The following FSTL4 variants were observed in gnomAD, a reference collection of about 807,000 sequenced individuals.
FSTL4 encodes the protein follistatin like 4.
FSTL4 carries 28 observed loss-of-function variants against 78.2 expected under a neutral mutation model. The ratio of observed to expected loss-of-function variants is 0.36; its 90% CI spans 0.27 to 0.49. FSTL4 has a LOEUF of 0.49. Ranked by LOEUF, FSTL4 falls within the 20% of genes least tolerant of loss-of-function variation. The pLI, the probability that FSTL4 is intolerant of heterozygous loss-of-function variation, is 0.98. For missense variants in FSTL4, 922 were observed against 1,084.9 expected (o/e 0.85, Z 2.11); for synonymous variants, 422 against 440.5 (o/e 0.96, Z 0.53).
chr5:133,657,651 T>C, the FSTL4 span, among the ~76,000 whole-genome samples: 4 of 152,228 alleles, frequency 2.6e-5, no homozygotes, highest in Non-Finnish European at 5.9e-5. Flanking sequence ...ATATGTAGTG[T>C]TGTTTTACAT....
At chr5:133,655,640 G>A in the FSTL4 span, among the ~76,000 whole-genome samples, 1 of 152,042 alleles carries the variant, frequency 6.6e-6, no homozygotes. Flanking sequence ...GGCCCATGAA[G>A]GGAAACGGAA....
intron 4 of FSTL4, among the ~76,000 whole-genome samples, chr5:133,393,949 A>G (rs2126964091): frequency 6.6e-6 from 1 of 152,328 alleles, no homozygotes; most frequent in South Asian, 2.1e-4. Context: ...CTGCACCAGG[A>G]GGTCTCCTGG....
At chr5:133,432,899 C>T (rs1756968213) in intron 3 of FSTL4, among the ~76,000 whole-genome samples, 1 of 152,202 alleles carries the variant, frequency 6.6e-6, no homozygotes, top group Admixed American at 6.5e-5. Flanking sequence ...AGCACTAAAT[C>T]TGGCAATTTT....
intron 6 of FSTL4, among the ~76,000 whole-genome samples, chr5:133,259,522 T>TC (rs1406462075): frequency 4.1e-5 from 6 of 147,528 alleles, no homozygotes; most frequent in African/African-American, 1.2e-4. Flanking sequence ...TTTTTTCTTT[T>TC]TTTTTTTTTT....
intron 6 of FSTL4, chr5:133,266,724 G>A (rs1178721555): frequency 2.0e-5 from 3 of 152,334 alleles, no homozygotes; most frequent in Admixed American, 1.3e-4. Flanking sequence ...CTGCTTGCCT[G>A]GTGTCCTGGG....
chr5:133,803,500 T>C, the FSTL4 span, among the ~76,000 whole-genome samples: 4 of 152,164 alleles, frequency 2.6e-5, no homozygotes, highest in Admixed American at 2.0e-4. Context: ...GAGGCACAAC[T>C]GTCATCTCCC....
In FSTL4 at chr5:133,252,815, A is replaced by C. The variant is rs1752292790; in HGVS notation, c.728-3239T>G. On this transcript the variant is annotated intron_variant, in intron 6 of 15. Transcript: ENST00000265342. ...TCAAACATGGGGCTAATAGGAAACA[A>C]AAATCCAAGTGGGAGACGGAAGTCT... Among the ~76,000 whole-genome samples, 3 of 152,202 alleles carry C rather than the reference A, an allele frequency of 2.0e-5. No homozygotes were observed. In the South Asian group the frequency reaches 6.2e-4, roughly 32 times the overall value.
chr5:133,382,039 T>C (rs978680482), intron 4 of FSTL4, among the ~76,000 whole-genome samples: 1 of 152,222 alleles, frequency 6.6e-6, no homozygotes, highest in African/African-American at 2.4e-5. Flanking sequence ...TCACATCCCC[T>C]TCCCCATCCT....
the FSTL4 span, among the ~76,000 whole-genome samples, chr5:133,822,946 A>T: frequency 1.3e-5 from 2 of 152,190 alleles, no homozygotes; most frequent in East Asian, 3.8e-4. Flanking sequence ...AGCAGTGAAC[A>T]AATCAGACAG....
intron 3 of FSTL4, among the ~76,000 whole-genome samples, chr5:133,514,792 C>A (rs1758820807): frequency 6.6e-6 from 1 of 152,146 alleles, no homozygotes. Context: ...GGAAACAAAC[C>A]AGGCCTCCCT....
At chr5:133,620,782 A>G in the FSTL4 span, among the ~76,000 whole-genome samples, 1 of 152,172 alleles carries the variant, frequency 6.6e-6, no homozygotes, top group South Asian at 2.1e-4. Flanking sequence ...GTCTTTTATT[A>G]TAAATGGAAA....
rs551026824 is a variant in FSTL4, at chr5:133,401,096, G to T, written c.161-110C>A. ...AGACTCCATTTGCCTGTGCAGCCAA[G>T]CTACTCAAGGTGGGGCCTGGGGGCT... On this transcript the variant is annotated intron_variant, in intron 3 of 15. Transcript: ENST00000265342. 28 of 1,312,152 alleles carry T rather than the reference G, an allele frequency of 2.1e-5. No homozygotes were observed. The African/African-American group carries it at 2.9e-4, about 14-fold the overall frequency. 81.3% of individuals were successfully genotyped at this position (1,312,152 alleles called of 1,614,324 possible).
chr5:133,352,893 C>G (rs370050490), intron 4 of FSTL4, among the ~76,000 whole-genome samples: 1 of 151,996 alleles, frequency 6.6e-6, no homozygotes, highest in Non-Finnish European at 1.5e-5. Flanking sequence ...TTTGCTATTG[C>G]GAATAGCTTA....
chr5:133,676,143 G>A, the FSTL4 span, among the ~76,000 whole-genome samples: 1 of 152,124 alleles, frequency 6.6e-6, no homozygotes. Context: ...CACAATATGG[G>A]GTGGGAGGAT....
At chr5:133,569,298 T>C (rs539425267) in intron 2 of FSTL4, among the ~76,000 whole-genome samples, 1 of 152,386 alleles carries the variant, frequency 6.6e-6, no homozygotes, top group South Asian at 2.1e-4. Flanking sequence ...CAACCCATGT[T>C]AGGCGTTGTG....
chr5:133,227,573 T>C (rs74599178), intron 8 of FSTL4, among the ~76,000 whole-genome samples: 2,340 of 152,196 alleles, frequency 0.015, 77 homozygotes, highest in African/African-American at 0.054. Context: ...GGTGGTAGCA[T>C]AGAGCCACCA....
At chr5:133,790,509 T>C in the FSTL4 span, among the ~76,000 whole-genome samples, 1 of 152,166 alleles carries the variant, frequency 6.6e-6, no homozygotes, top group Non-Finnish European at 1.5e-5. Flanking sequence ...ACAGCCCCTC[T>C]TACGGTTTTA....
the FSTL4 span, among the ~76,000 whole-genome samples, chr5:133,787,962 G>A: frequency 3.3e-5 from 5 of 152,224 alleles, no homozygotes; most frequent in Non-Finnish European, 7.3e-5. Flanking sequence ...GAACTTAGTT[G>A]GTGCTCGGTA....
intron 6 of FSTL4, among the ~76,000 whole-genome samples, chr5:133,251,872 A>T (rs542653336): frequency 3.8e-4 from 58 of 152,272 alleles, no homozygotes; most frequent in Non-Finnish European, 6.8e-4. Flanking sequence ...TGGCTGTGGG[A>T]GGCCTTGCTT....
Sources: gnomAD v4.1 joint callset for allele counts (sites outside exome capture counted in the v4.1 genomes callset) on GRCh38, gnomAD v4.1.1 for gene constraint, MANE v1.5 for transcripts, NCBI Gene and HGNC (gene_info 2026-07-23, HGNC 2026-07-21) for gene names.